ME2: variants seen among roughly 807,000 people sequenced by gnomAD.
ME2 encodes the protein malic enzyme 2, also known as NAD-dependent malic enzyme, mitochondrial.
ME2 carries 60 observed loss-of-function variants against 73.7 expected under a neutral mutation model. That is an observed-to-expected ratio of 0.81 (90% CI 0.66 to 1.01). The LOEUF is 1.01. Ranked by LOEUF, ME2 falls within the 50% of genes least tolerant of loss-of-function variation. The probability of loss-of-function intolerance (pLI) is 0.00; values close to 1 mark genes in which losing one functional copy is unlikely to be tolerated. For synonymous variants in ME2, 199 were observed against 236.9 expected (o/e 0.84, Z 1.47); for missense variants, 594 against 705.5 (o/e 0.84, Z 1.79).
intron 3 of ME2, among the ~76,000 whole-genome samples, chr18:50,909,570 G>C (rs1917098015): frequency 6.6e-6 from 1 of 152,138 alleles, no homozygotes; most frequent in Non-Finnish European, 1.5e-5. Context: ...TATCAATTGA[G>C]TTTGTTAAGT....
intron 1 of ME2, among the ~76,000 whole-genome samples, chr18:50,890,921 A>G (rs2144188593): frequency 2.0e-5 from 3 of 152,300 alleles, no homozygotes; most frequent in Middle Eastern, 6.8e-3. Context: ...CCAGGAGGGC[A>G]GGGCCATATT....
chr18:50,925,761 G>T lies in ME2; in HGVS notation c.1177G>T (p.Ala393Ser). ...ILKPSTIIGV[A>S]GAGRLFTPDV... ...TTCCCCCTTACTTATTACAGGAGTT[G>T]CAGGTGCTGGCCGTCTTTTCACTCC... is the stretch of plus-strand genomic sequence containing the variant. The change falls in exon 12 of 16, where the codon GCA (alanine) becomes TCA (serine). Residue 393 changes from alanine (A) to serine (S), a missense_variant. Physicochemically the swap from Ala to Ser is moderately conservative, Grantham distance 99 (BLOSUM62 1). Transcript: ENST00000321341. 1.9e-6 allele frequency: 3 copies of T among 1,613,558 alleles called. No homozygotes were observed. The highest frequency in any genetic ancestry group is 2.5e-6 in the Non-Finnish European group (3 of 1,179,710).
At position 50,949,527 on chromosome 18, in the gene ME2, T is replaced by C. The variant is rs1375339468; in HGVS notation, c.*2343T>C. On this transcript the variant is annotated 3_prime_UTR_variant, in exon 16 of 16. Coordinates refer to ENST00000321341, the MANE Select transcript of ME2 (RefSeq NM_002396.5). ...AGGCTTCTGTTTTTCATGTTCCCTT[T>C]ATCAAAACAAAATCACGCCTAAACA... The C allele has an allele frequency of 6.6e-6, 1 of 152,202 alleles. No individual in the cohort carries two copies. Among genetic ancestry groups the C allele is most frequent in the Non-Finnish European group, 1.5e-5 (1 of 68,034 alleles). 9.4% of individuals were successfully genotyped at this position (152,202 alleles called of 1,614,324 possible). A position where few individuals can be genotyped will look rare whatever the true frequency, so the allele number is the denominator to read the frequency against.
chr18:50,941,429 GA>G (rs1169246004), intron 15 of ME2, among the ~76,000 whole-genome samples: 1 of 126,762 alleles, frequency 7.9e-6, no homozygotes, highest in Non-Finnish European at 1.6e-5. Flanking sequence ...TGCAGTGGCG[GA>G]ATCTCAGCTC....
intron 12 of ME2, among the ~76,000 whole-genome samples, chr18:50,930,480 C>T (rs1325905105): frequency 6.6e-6 from 1 of 152,112 alleles, no homozygotes; most frequent in African/African-American, 2.4e-5. Flanking sequence ...TTGCCAGCTG[C>T]TTACATAGAC....
At chr18:50,896,656 TTACC>T (rs1359643734) in intron 2 of ME2, among the ~76,000 whole-genome samples, 5 of 152,146 alleles carry the variant, frequency 3.3e-5, no homozygotes, top group Non-Finnish European at 7.3e-5. Context: ...TATATGAAAT[TTACC>T]TTTTGGGGAA....
chr18:50,879,721 C>T (rs995888821), intron 1 of ME2, among the ~76,000 whole-genome samples: 1 of 152,222 alleles, frequency 6.6e-6, no homozygotes, highest in Non-Finnish European at 1.5e-5. Context: ...CTCCTTTATT[C>T]AGTCGGGCCG....
At chr18:50,928,531 C>T (rs1380050692) in intron 12 of ME2, among the ~76,000 whole-genome samples, 1 of 152,190 alleles carries the variant, frequency 6.6e-6, no homozygotes, top group Non-Finnish European at 1.5e-5. Flanking sequence ...AGCCACTGCG[C>T]CCGGACTGTT....
Position 50,952,230 on chromosome 18 carries a change from T to G in ME2, c.*5046T>G, listed in dbSNP as rs1348813971. 1 of 152,332 alleles carries G rather than the reference T, an allele frequency of 6.6e-6. No individual in the cohort carries two copies. The highest frequency in any genetic ancestry group is 2.1e-4 in the South Asian group (1 of 4,828). 9.4% of individuals were successfully genotyped at this position (152,332 alleles called of 1,614,324 possible). On this transcript the variant is annotated 3_prime_UTR_variant, in exon 16 of 16. Coordinates refer to ENST00000321341, the MANE Select transcript of ME2 (RefSeq NM_002396.5). ...AATTTGACCATAGAAAACTTTCTCA[T>G]CTGAAATCAGGGTAAGTTTTTTTAA... is the stretch of plus-strand genomic sequence containing the variant.
intron 7 of ME2, among the ~76,000 whole-genome samples, chr18:50,918,980 CTAT>C: frequency 6.6e-6 from 1 of 152,188 alleles, no homozygotes; most frequent in East Asian, 1.9e-4. Context: ...TTCCCAGCTT[CTAT>C]TATTGGCAGT....
intron 15 of ME2, among the ~76,000 whole-genome samples, chr18:50,941,443 G>A (rs530153531): frequency 9.3e-4 from 115 of 124,100 alleles, no homozygotes; most frequent in Admixed American, 3.7e-3. Context: ...CTCAGCTCAC[G>A]GCTCACTGCA....
At chr18:50,935,676 T>TG (rs1306485937) in intron 13 of ME2, 1 of 138,294 alleles carries the variant, frequency 7.2e-6, no homozygotes, top group Non-Finnish European at 1.5e-5. Context: ...CACTCGAGCT[T>TG]GGGAGGTCAA....
At position 50,936,575 on chromosome 18, in the gene ME2, A is replaced by T. The variant is rs1382791592; in HGVS notation, c.1418-2995A>T. Among the ~76,000 whole-genome samples the T allele has an allele frequency of 1.2e-4, 18 of 152,316 alleles. No individual in the cohort carries two copies. In the East Asian group the frequency reaches 3.1e-3, roughly 26 times the overall value. On this transcript the variant is annotated intron_variant, in intron 13 of 15. Transcript: ENST00000321341. ...ATGCACAACAACAATAGCTCCGTTA[A>T]ATAGAGTTAAGCTGTTATGTGGGAC...
intron 15 of ME2, among the ~76,000 whole-genome samples, chr18:50,943,718 A>T (rs1378288441): frequency 6.6e-6 from 1 of 152,200 alleles, no homozygotes; most frequent in Non-Finnish European, 1.5e-5. Flanking sequence ...GGGAACAGGT[A>T]GGGAAATGGC....
At chr18:50,898,965 G>A (rs865950356) in intron 2 of ME2, among the ~76,000 whole-genome samples, 2 of 152,106 alleles carry the variant, frequency 1.3e-5, no homozygotes, top group African/African-American at 4.8e-5. Flanking sequence ...TGCTCATTTG[G>A]CTAACTTTTC....
At chr18:50,883,354 A>G (rs768766682) in intron 1 of ME2, among the ~76,000 whole-genome samples, 4 of 152,134 alleles carry the variant, frequency 2.6e-5, no homozygotes, top group African/African-American at 9.7e-5. Context: ...GGTGTTGACT[A>G]TTTCCTTCTC....
intron 1 of ME2, 65 bp from the exon 2 acceptor site, chr18:50,895,744 C>A (rs1247686410): frequency 3.1e-6 from 3 of 975,556 alleles, no homozygotes; most frequent in Non-Finnish European, 3.2e-6. Flanking sequence ...AAAACTGATA[C>A]CCGATGGACA....
intron 10 of ME2, 142 bp downstream of exon 10, chr18:50,921,329 A>T (rs187478220): frequency 1.9e-6 from 1 of 514,566 alleles, no homozygotes; most frequent in Non-Finnish European, 3.4e-6. Context: ...TTTTCAACAG[A>T]TGTCCCTAGT....
intron 2 of ME2, among the ~76,000 whole-genome samples, chr18:50,898,861 T>C (rs1407542729): frequency 6.6e-6 from 1 of 152,244 alleles, no homozygotes; most frequent in African/African-American, 2.4e-5. Context: ...TCTCTAGGCC[T>C]TAGTTTTCTT....
Sources: allele counts gnomAD v4.1 joint callset (sites outside exome capture counted in the v4.1 genomes callset), GRCh38; gene constraint gnomAD v4.1.1; transcripts MANE v1.5; gene names NCBI Gene and HGNC (gene_info 2026-07-23, HGNC 2026-07-21).